The following CNTNAP2 variants were observed in gnomAD, a reference collection of about 807,000 sequenced individuals.
The protein encoded by CNTNAP2 is contactin associated protein 2.
CNTNAP2 carries 98 observed loss-of-function variants against 155.2 expected under a neutral mutation model. That is an observed-to-expected ratio of 0.63 (90% CI 0.54 to 0.75). CNTNAP2 has a LOEUF of 0.75. Among genes scored for constraint, CNTNAP2 ranks in the 30% least tolerant of loss-of-function variants. The probability of loss-of-function intolerance (pLI) is 0.00; values close to 1 mark genes in which losing one functional copy is unlikely to be tolerated. For synonymous variants in CNTNAP2, 651 were observed against 631.2 expected (o/e 1.03, Z -0.47); for missense variants, 1,727 against 1,688.1 (o/e 1.02, Z -0.40).
intron 19 of CNTNAP2, among the ~76,000 whole-genome samples, chr7:148,226,583 G>T (rs1287314245): frequency 6.6e-6 from 1 of 152,134 alleles, no homozygotes; most frequent in Non-Finnish European, 1.5e-5. Context: ...GAGGCAAAAT[G>T]ATGGAGTTTA....
intron 13 of CNTNAP2, among the ~76,000 whole-genome samples, chr7:147,899,036 G>C (rs1424186991): frequency 6.6e-6 from 1 of 152,120 alleles, no homozygotes; most frequent in South Asian, 2.1e-4. Context: ...GCTTATATGA[G>C]ATATCTAAAG....
rs184968482 is a variant in CNTNAP2, at chr7:146,381,958, G to T, written c.97+264985G>T. Reference sequence around the variant, plus strand: ...TCTCATCCTTCCCTGATTAAGGTTTGCCCCCATATGATAATAACTTCTTTG... The same window carrying T: ...TCTCATCCTTCCCTGATTAAGGTTTTCCCCCATATGATAATAACTTCTTTG... On this transcript the variant is annotated intron_variant, in intron 1 of 23. Transcript: ENST00000361727. Among the ~76,000 whole-genome samples, 46 of 152,254 alleles carry T rather than the reference G, an allele frequency of 3.0e-4. 1 individual carries two copies. In the East Asian group the frequency reaches 8.3e-3, roughly 28 times the overall value.
chr7:147,680,178 G>A (rs554322650), intron 13 of CNTNAP2, among the ~76,000 whole-genome samples: 2 of 151,994 alleles, frequency 1.3e-5, no homozygotes, highest in South Asian at 4.1e-4. Context: ...GGGACTATGT[G>A]CAGCATTTCT....
chr7:147,410,356 T>C (rs780407848), intron 10 of CNTNAP2, among the ~76,000 whole-genome samples: 27 of 152,078 alleles, frequency 1.8e-4, no homozygotes, highest in Admixed American at 5.9e-4. Flanking sequence ...CATGGACACA[T>C]AGAGGGGAAA....
At chr7:146,786,930 C>T (rs1419636755) in intron 2 of CNTNAP2, 4 of 152,224 alleles carry the variant, frequency 2.6e-5, no homozygotes, top group East Asian at 1.9e-4. Context: ...CACCACCTCA[C>T]CAGACATCCA....
At position 147,486,019 on chromosome 7, in the gene CNTNAP2, C is replaced by T. The variant is rs766920511; in HGVS notation, c.1755C>T (p.Tyr585=). 2 of 1,614,002 alleles carry T rather than the reference C, an allele frequency of 1.2e-6. No homozygotes were observed. The highest frequency in any genetic ancestry group is 1.3e-5 in the African/African-American group (1 of 75,014). ...SFKCTCDETG[Y]SGATCHNSIY... is the part of the protein sequence containing the mutation. ...AATGCACTTGTGATGAGACAGGATA[C>T]AGTGGGGCCACCTGCCACAACTGTG... Residue 585 remains tyrosine, a synonymous_variant, in exon 11 of 24, where the codon TAC becomes TAT. Transcript: ENST00000361727.
intron 1 of CNTNAP2, among the ~76,000 whole-genome samples, chr7:146,477,237 C>T (rs1489419003): frequency 6.6e-6 from 1 of 152,092 alleles, no homozygotes; most frequent in African/African-American, 2.4e-5. Flanking sequence ...TCACTAAGGA[C>T]CTCAGTTGGC....
At chr7:146,891,287 C>T (rs2129211533) in intron 3 of CNTNAP2, among the ~76,000 whole-genome samples, 1 of 152,250 alleles carries the variant, frequency 6.6e-6, no homozygotes, top group Non-Finnish European at 1.5e-5. Context: ...TAAAAAACTA[C>T]TTATTGGGTA....
chr7:147,606,801 G>T (rs2116869920), intron 12 of CNTNAP2, among the ~76,000 whole-genome samples: 1 of 152,180 alleles, frequency 6.6e-6, no homozygotes, highest in South Asian at 2.1e-4. Flanking sequence ...GAAGTGATTG[G>T]TATTTTCTGA....
chr7:146,933,742 G>GA (rs1048726951), intron 3 of CNTNAP2, among the ~76,000 whole-genome samples: 8 of 148,444 alleles, frequency 5.4e-5, no homozygotes, highest in African/African-American at 1.5e-4. Context: ...AAATTTACAA[G>GA]AAAAAAAAAC....
chr7:146,790,017 G>T (rs779268405), intron 2 of CNTNAP2, among the ~76,000 whole-genome samples: 1 of 151,812 alleles, frequency 6.6e-6, no homozygotes, highest in Non-Finnish European at 1.5e-5. Flanking sequence ...TTCAAATAAA[G>T]GATTCAGCAT....
At chr7:146,470,559 T>G in intron 1 of CNTNAP2, among the ~76,000 whole-genome samples, 1 of 152,002 alleles carries the variant, frequency 6.6e-6, no homozygotes, top group East Asian at 1.9e-4. Flanking sequence ...ACTGCCATAT[T>G]TTATTTTATT....
chr7:147,404,905 CT>C (rs971190668), intron 10 of CNTNAP2, among the ~76,000 whole-genome samples: 2 of 151,944 alleles, frequency 1.3e-5, no homozygotes, highest in African/African-American at 4.8e-5. Context: ...AAAACATATT[CT>C]TTTTTAAAAA....
intron 14 of CNTNAP2, among the ~76,000 whole-genome samples, chr7:147,913,372 A>G (rs1441799253): frequency 6.6e-6 from 1 of 152,208 alleles, no homozygotes; most frequent in Non-Finnish European, 1.5e-5. Context: ...AAAAGCCACA[A>G]AAGTGATCTC....
intron 18 of CNTNAP2, among the ~76,000 whole-genome samples, chr7:148,206,138 G>C (rs1187594416): frequency 1.3e-5 from 2 of 149,772 alleles, no homozygotes; most frequent in Non-Finnish European, 3.0e-5. Context: ...TGGGACTATG[G>C]TGTTGTATTA....
intron 14 of CNTNAP2, among the ~76,000 whole-genome samples, chr7:147,961,228 C>T (rs1801116108): frequency 6.6e-6 from 1 of 152,064 alleles, no homozygotes; most frequent in Non-Finnish European, 1.5e-5. Context: ...CTAGGATATA[C>T]TCAAATGAAA....
chr7:147,807,636 G>C (rs890483930), intron 13 of CNTNAP2, among the ~76,000 whole-genome samples: 2 of 152,104 alleles, frequency 1.3e-5, no homozygotes, highest in Non-Finnish European at 2.9e-5. Context: ...TTCTTAGTAA[G>C]CACCTGCTGT....
chr7:146,230,149 C>T (rs1454423128), intron 1 of CNTNAP2, among the ~76,000 whole-genome samples: 1 of 152,122 alleles, frequency 6.6e-6, no homozygotes, highest in Admixed American at 6.5e-5. Context: ...CTGTTACACA[C>T]TTGAGATCAA....
rs1183875675 is a variant in CNTNAP2, at chr7:147,413,298, C to T, written c.1670+17518C>T. Among the ~76,000 whole-genome samples the T allele has an allele frequency of 3.3e-5, 5 of 152,128 alleles. No homozygotes were observed. In the East Asian group the frequency reaches 7.7e-4, roughly 23 times the overall value. On this transcript the variant is annotated intron_variant, in intron 10 of 23. Coordinates refer to ENST00000361727, the MANE Select transcript of CNTNAP2 (RefSeq NM_014141.6). ...TTTGGATGTCACGAGGGAATGGAAG[C>T]GTTGGAGAAAAGTATTCAAGGTAAA...
Sources: allele counts gnomAD v4.1 joint callset (sites outside exome capture counted in the v4.1 genomes callset), GRCh38; gene constraint gnomAD v4.1.1; transcripts MANE v1.5; gene names NCBI Gene and HGNC (gene_info 2026-07-23, HGNC 2026-07-21).